The following SLC2A13 variants were observed in gnomAD, a reference collection of about 807,000 sequenced individuals.
SLC2A13 encodes the protein solute carrier family 2 member 13.
In SLC2A13, 32 loss-of-function variants were observed where a neutral mutation model predicts 64.4. The observed-to-expected ratio is 0.50, with a 90% CI of 0.37 to 0.67. SLC2A13 has a LOEUF of 0.67. SLC2A13 is among the 30% of genes least tolerant of loss of function. The pLI is 0.00. For synonymous variants in SLC2A13, 338 were observed against 327.1 expected (o/e 1.03, Z -0.36); for missense variants, 743 against 829.2 (o/e 0.90, Z 1.28).
intron 7 of SLC2A13, among the ~76,000 whole-genome samples, chr12:39,814,217 G>A (rs1236951134): frequency 6.6e-6 from 1 of 152,152 alleles, no homozygotes; most frequent in African/African-American, 2.4e-5. Context: ...GAGTTTTAAT[G>A]TCATTGCTTT....
chr12:39,789,907 G>A (rs1000594655), intron 7 of SLC2A13, among the ~76,000 whole-genome samples: 1 of 151,982 alleles, frequency 6.6e-6, no homozygotes, highest in African/African-American at 2.4e-5. Context: ...TTGGTTCATA[G>A]GAACGTCCAG....
chr12:39,847,865 G>A (rs1471035705), intron 6 of SLC2A13, among the ~76,000 whole-genome samples: 1 of 152,026 alleles, frequency 6.6e-6, no homozygotes, highest in Non-Finnish European at 1.5e-5. Context: ...GTCTACCCAA[G>A]TCTCCAACAT....
chr12:39,875,370 T>A (rs937855975), intron 4 of SLC2A13, among the ~76,000 whole-genome samples: 1 of 152,222 alleles, frequency 6.6e-6, no homozygotes, highest in African/African-American at 2.4e-5. Flanking sequence ...ACCTTTGCTT[T>A]GCCTCCCTTG....
intron 7 of SLC2A13, among the ~76,000 whole-genome samples, chr12:39,784,058 G>A (rs1270825869): frequency 6.6e-6 from 1 of 152,116 alleles, no homozygotes; most frequent in Non-Finnish European, 1.5e-5. Flanking sequence ...ACAAACCACT[G>A]CTCAACGAAA....
intron 4 of SLC2A13, among the ~76,000 whole-genome samples, chr12:39,943,189 G>T (rs778179518): frequency 6.6e-6 from 1 of 152,130 alleles, no homozygotes; most frequent in African/African-American, 2.4e-5. Context: ...GGTGTCTGTC[G>T]ACCCCTGCTG....
In SLC2A13 at chr12:39,864,712, A is replaced by G. The variant is rs889735563; in HGVS notation, c.1319+50T>C. The G allele has an allele frequency of 2.5e-6, 4 of 1,596,644 alleles. No homozygotes were observed. The Admixed American group carries it at 6.9e-5, about 28-fold the overall frequency. ...ACTTTAAAAAAGTTAAAAGCAAGCAAAAAAGTTACCAGAGTCATGTAAAGG... is the reference window on the plus strand; with the variant it reads ...ACTTTAAAAAAGTTAAAAGCAAGCAGAAAAGTTACCAGAGTCATGTAAAGG... On this transcript the variant is annotated intron_variant, in intron 6 of 9. Coordinates refer to ENST00000280871, the MANE Select transcript of SLC2A13 (RefSeq NM_052885.4).
At chr12:40,066,016 C>G (rs746582275) in intron 1 of SLC2A13, among the ~76,000 whole-genome samples, 7 of 152,182 alleles carry the variant, frequency 4.6e-5, no homozygotes, top group Non-Finnish European at 1.0e-4. Flanking sequence ...TTATACTTGG[C>G]ACACTTTTCA....
intron 3 of SLC2A13, among the ~76,000 whole-genome samples, chr12:39,983,045 T>A (rs955835748): frequency 8.7e-5 from 13 of 149,778 alleles, no homozygotes; most frequent in African/African-American, 2.9e-4. Flanking sequence ...CTATCTGATC[T>A]TTGACAAACC....
chr12:39,859,066 C>A (rs1414535252), intron 6 of SLC2A13, among the ~76,000 whole-genome samples: 1 of 151,946 alleles, frequency 6.6e-6, no homozygotes, highest in Non-Finnish European at 1.5e-5. Flanking sequence ...TGGAAATGAA[C>A]TTTGAAGGGA....
chr12:40,036,336 T>C (rs1447751226), intron 2 of SLC2A13, among the ~76,000 whole-genome samples: 2 of 152,206 alleles, frequency 1.3e-5, no homozygotes, highest in East Asian at 1.9e-4. Context: ...GTAAAATTTA[T>C]ATACAAGAAA....
chr12:39,811,657 T>C (rs1942164676), intron 7 of SLC2A13, among the ~76,000 whole-genome samples: 2 of 152,176 alleles, frequency 1.3e-5, no homozygotes, highest in Admixed American at 1.3e-4. Context: ...GCTCTATTAT[T>C]AGAGGAATAT....
chr12:39,957,982 A>C (rs1452904287), intron 3 of SLC2A13, among the ~76,000 whole-genome samples: 5 of 152,186 alleles, frequency 3.3e-5, no homozygotes, highest in Admixed American at 3.3e-4. Flanking sequence ...CAGTATTATG[A>C]GATTAAGGCA....
chr12:39,810,342 G>T (rs1263334307), intron 7 of SLC2A13, among the ~76,000 whole-genome samples: 1 of 152,070 alleles, frequency 6.6e-6, no homozygotes, highest in Non-Finnish European at 1.5e-5. Context: ...GTTAGTAATA[G>T]AAATAAAATA....
chr12:40,073,825 T>G (rs1938059086), intron 1 of SLC2A13, among the ~76,000 whole-genome samples: 1 of 152,036 alleles, frequency 6.6e-6, no homozygotes, highest in Admixed American at 6.6e-5. Context: ...TTACCTTTGA[T>G]TTTTCTGTAG....
At chr12:39,936,683 T>C (rs1277643374) in intron 4 of SLC2A13, among the ~76,000 whole-genome samples, 1 of 151,974 alleles carries the variant, frequency 6.6e-6, no homozygotes, top group East Asian at 1.9e-4. Flanking sequence ...TTGAAGGAAA[T>C]TACAGCTGAT....
rs201795321 is a variant in SLC2A13, at chr12:39,896,256, G to A, written c.1035-24295C>T. 2.4e-3 allele frequency among the ~76,000 whole-genome samples: 212 copies of A among 88,818 alleles called. 2 individuals are homozygous for A. The highest frequency in any genetic ancestry group is 8.3e-3 in the African/African-American group (198 of 23,874). 58.3% of individuals were successfully genotyped at this position (88,818 alleles called of 152,430 possible). On this transcript the variant is annotated intron_variant, in intron 4 of 9. Coordinates refer to ENST00000280871, the MANE Select transcript of SLC2A13 (RefSeq NM_052885.4). ...TATGTGTATATATGTATACATGTAT[G>A]TATATGTGTGTATATATGTATACAT... is the stretch of plus-strand genomic sequence containing the variant.
chr12:40,081,107 G>GC (rs1029872604), intron 1 of SLC2A13, among the ~76,000 whole-genome samples: 2 of 152,094 alleles, frequency 1.3e-5, no homozygotes, highest in African/African-American at 4.8e-5. Flanking sequence ...TATATGACCT[G>GC]CCCCTACTCT....
chr12:39,963,615 C>G (rs1213307844), intron 3 of SLC2A13, among the ~76,000 whole-genome samples: 1 of 152,122 alleles, frequency 6.6e-6, no homozygotes, highest in Non-Finnish European at 1.5e-5. Context: ...CATTCCCCTG[C>G]CTTCATTTTA....
chr12:39,794,467 G>A lies in SLC2A13; in HGVS notation c.1446-29609C>T, dbSNP rs533468006. ...TTCCCCATACATAATTAACTATAAC[G>A]CAATTTGATGTATAAAATAGACTGT... On this transcript the variant is annotated intron_variant, in intron 7 of 9. Transcript: ENST00000280871. Among the ~76,000 whole-genome samples the A allele has an allele frequency of 6.6e-5, 10 of 152,134 alleles. No homozygotes were observed. In the East Asian group the frequency reaches 1.2e-3, roughly 18 times the overall value.
Sources: allele counts gnomAD v4.1 joint callset (sites outside exome capture counted in the v4.1 genomes callset), GRCh38; gene constraint gnomAD v4.1.1; transcripts MANE v1.5; gene names NCBI Gene and HGNC (gene_info 2026-07-23, HGNC 2026-07-21).